The following KALRN variants were observed in gnomAD, a reference collection of about 807,000 sequenced individuals.
The protein encoded by KALRN is kalirin.
In KALRN, 70 loss-of-function variants were observed where a neutral mutation model predicts 353.7. The ratio of observed to expected loss-of-function variants is 0.20; its 90% confidence interval spans 0.16 to 0.24. The LOEUF is 0.24. Ranked by LOEUF, KALRN falls within the 10% of genes least tolerant of loss-of-function variation. The pLI is 1.00. For missense variants in KALRN, 2,791 were observed against 3,756.7 expected, an observed-to-expected ratio of 0.74 and a Z score of 6.72; for synonymous variants, 1,391 against 1,434.8, an observed-to-expected ratio of 0.97 and a Z score of 0.69.
chr3:124,110,633 A>T (rs1397408455), intron 1 of KALRN, among the ~76,000 whole-genome samples: 1 of 152,108 alleles, frequency 6.6e-6, no homozygotes, highest in Non-Finnish European at 1.5e-5. Context: ...AAGAATGATA[A>T]CATTCTTCTG....
At chr3:124,623,427 C>CACACACACACACACACACA (rs139583497) in intron 34 of KALRN, among the ~76,000 whole-genome samples, 3 of 147,126 alleles carry the variant, frequency 2.0e-5, no homozygotes, top group South Asian at 2.2e-4. Context: ...CACACACACA[C>CACACACACACACACACACA]AAAAGGGAGT....
At chr3:124,129,059 C>T (rs994574964) in intron 1 of KALRN, among the ~76,000 whole-genome samples, 3 of 152,010 alleles carry the variant, frequency 2.0e-5, no homozygotes, top group Non-Finnish European at 4.4e-5. Context: ...TAGAGGCTTA[C>T]GAGTAAAACT....
chr3:124,506,550 T>G (rs558950659), intron 33 of KALRN, among the ~76,000 whole-genome samples: 2 of 152,352 alleles, frequency 1.3e-5, no homozygotes, highest in South Asian at 4.1e-4. Context: ...TCAGGAGAGA[T>G]GCTTTCTGCA....
chr3:124,070,431 T>C (rs1296798296), intron 1 of KALRN, among the ~76,000 whole-genome samples: 1 of 152,206 alleles, frequency 6.6e-6, no homozygotes, highest in African/African-American at 2.4e-5. Context: ...TGCTGGAACC[T>C]TTGCTTGAAT....
chr3:124,538,029 G>A (rs1341568445), intron 33 of KALRN, among the ~76,000 whole-genome samples: 2 of 152,232 alleles, frequency 1.3e-5, no homozygotes, highest in African/African-American at 2.4e-5. Flanking sequence ...TCCCCACGGA[G>A]GTGTTGGAAG....
intron 1 of KALRN, among the ~76,000 whole-genome samples, chr3:124,206,429 A>G (rs955081635): frequency 1.3e-5 from 2 of 152,196 alleles, no homozygotes; most frequent in Non-Finnish European, 2.9e-5. Context: ...TCCTAACTGC[A>G]AGGGCGGTTG....
chr3:124,603,935 A>G (rs140731070), intron 34 of KALRN, among the ~76,000 whole-genome samples: 1 of 152,112 alleles, frequency 6.6e-6, no homozygotes, highest in Non-Finnish European at 1.5e-5. Context: ...ATCTTATTTG[A>G]GAAGGTCATT....
intron 1 of KALRN, among the ~76,000 whole-genome samples, chr3:124,222,248 A>G (rs1031467724): frequency 5.9e-5 from 9 of 152,208 alleles, no homozygotes; most frequent in African/African-American, 2.2e-4. Flanking sequence ...TTATTCATAA[A>G]CACTCCTGCC....
chr3:124,657,902 C>A, intron 41 of KALRN, 99 bp downstream of exon 41: 1 of 913,974 alleles, frequency 1.1e-6, no homozygotes, highest in East Asian at 2.4e-5. Flanking sequence ...ACCTGTAATT[C>A]CAACACTTTA....
rs397990993 is a variant in KALRN at position 124,294,520 on chromosome 3, C to CTTTTTTTTTTTT, written c.970-4260_970-4249dup. ...GGGCTGAGACTAAGAAGATTCTCTT[C>CTTTTTTTTTTTT]TTTTTTTTTTTTTTTTTTTTTTGAG... On this transcript the variant is annotated intron_variant, in intron 5 of 59. Coordinates refer to ENST00000682506, the MANE Select transcript of KALRN (RefSeq NM_001388419.1). Among the ~76,000 whole-genome samples, 556 of 73,884 alleles carry CTTTTTTTTTTTT rather than the reference C, an allele frequency of 7.5e-3. 102 individuals are homozygous for CTTTTTTTTTTTT. Among genetic ancestry groups the CTTTTTTTTTTTT allele is most frequent in the East Asian group, 0.025 (49 of 1,980 alleles). The allele number at this position is 73,884 out of a possible 152,430, so 48.5% of individuals were successfully genotyped here. A position where few individuals can be genotyped will look rare whatever the true frequency, so the allele number is the denominator to read the frequency against.
chr3:124,170,125 C>T (rs13084272), intron 1 of KALRN, among the ~76,000 whole-genome samples: 4 of 152,134 alleles, frequency 2.6e-5, no homozygotes, highest in Admixed American at 1.3e-4. Context: ...ACAAATAAGA[C>T]GGGGACCCAG....
intron 5 of KALRN, among the ~76,000 whole-genome samples, chr3:124,272,724 C>G (rs538341226): frequency 2.6e-5 from 4 of 152,190 alleles, no homozygotes; most frequent in Non-Finnish European, 4.4e-5. Flanking sequence ...CTTGACCCAG[C>G]TGCCACTGAA....
chr3:124,612,413 G>A (rs887794606), intron 34 of KALRN, among the ~76,000 whole-genome samples: 10 of 152,174 alleles, frequency 6.6e-5, no homozygotes, highest in Non-Finnish European at 1.3e-4. Context: ...ATGTTGGTCA[G>A]GCTGGTCTCG....
At position 124,667,095 on chromosome 3, in the gene KALRN, T is replaced by C. The variant is rs2289420; in HGVS notation, c.6615T>C (p.Val2205=). The change falls in exon 47 of 60, where the codon GTT becomes GTC. Residue 2205 remains valine, a synonymous_variant. Transcript: ENST00000682506. ...ALMNRETSER[V]VLQAANADIQ... The stretch of plus-strand genomic sequence containing the variant: ...TGAACAGAGAGACTTCTGAGAGGGT[T>C]GTTCTGCAAGCCGCCAACGCTGACA... 0.027 allele frequency: 44,182 copies of C among 1,613,910 alleles called. 834 individuals carry two copies. Among genetic ancestry groups the C allele is most frequent in the East Asian group, 0.094 (4,201 of 44,856 alleles).
At chr3:124,401,841 T>A (rs2090917070) in intron 13 of KALRN, among the ~76,000 whole-genome samples, 1 of 152,198 alleles carries the variant, frequency 6.6e-6, no homozygotes, top group South Asian at 2.1e-4. Flanking sequence ...TCAGAAGTTA[T>A]TTTTGAGGGT....
At chr3:124,413,901 T>A (rs1171942592) in intron 14 of KALRN, among the ~76,000 whole-genome samples, 1 of 151,354 alleles carries the variant, frequency 6.6e-6, no homozygotes, top group Non-Finnish European at 1.5e-5. Context: ...AGGTCAGGAG[T>A]TCGAGAGCAG....
chr3:124,406,994 C>A (rs992618879), intron 13 of KALRN, among the ~76,000 whole-genome samples: 1 of 151,782 alleles, frequency 6.6e-6, no homozygotes, highest in African/African-American at 2.4e-5. Context: ...CCACCACGCC[C>A]AGCTAATTTT....
At chr3:124,064,597 C>G (rs1237103441) in intron 1 of KALRN, among the ~76,000 whole-genome samples, 1 of 152,146 alleles carries the variant, frequency 6.6e-6, no homozygotes, top group East Asian at 1.9e-4. Context: ...CACTGCCCAC[C>G]TAGGGTTGAG....
At chr3:124,209,301 T>TA (rs2076695487) in intron 1 of KALRN, among the ~76,000 whole-genome samples, 2 of 151,794 alleles carry the variant, frequency 1.3e-5, no homozygotes, top group Admixed American at 1.3e-4. Context: ...GCTCAGGAGT[T>TA]AGAGACCAGC....
Sources: gnomAD v4.1 joint callset for allele counts (sites outside exome capture counted in the v4.1 genomes callset) on GRCh38, gnomAD v4.1.1 for gene constraint, MANE v1.5 for transcripts, NCBI Gene and HGNC (gene_info 2026-07-23, HGNC 2026-07-21) for gene names.